The following PCDH15 variants were observed in gnomAD, a reference collection of about 807,000 sequenced individuals.
The protein encoded by PCDH15 is protocadherin related 15.
Under a neutral mutation model 178.5 loss-of-function variants are expected in PCDH15, and 129 were observed. The observed-to-expected ratio is 0.72, with a 90% CI of 0.63 to 0.84. The LOEUF (loss-of-function observed/expected upper bound fraction) is 0.84. PCDH15 is among the 40% of genes least tolerant of loss of function. The pLI, the probability that PCDH15 is intolerant of heterozygous loss-of-function variation, is 0.00. For synonymous variants in PCDH15, 800 were observed against 732.0 expected (o/e 1.09, Z -1.50); for missense variants, 2,230 against 2,099.9 (o/e 1.06, Z -1.21).
At chr10:54,168,349 C>G (rs1433189537) in intron 13 of PCDH15, among the ~76,000 whole-genome samples, 5 of 152,084 alleles carry the variant, frequency 3.3e-5, no homozygotes, top group Non-Finnish European at 5.9e-5. Flanking sequence ...CCGCCTGTCC[C>G]CTCAGTACCA....
chr10:54,723,709 T>C (rs975543602), intron 1 of PCDH15, among the ~76,000 whole-genome samples: 3 of 150,928 alleles, frequency 2.0e-5, no homozygotes, highest in African/African-American at 4.9e-5. Flanking sequence ...AGAAAAAAAA[T>C]AATTCCACTG....
chr10:54,561,826 C>A (rs1163423044), intron 2 of PCDH15, among the ~76,000 whole-genome samples: 1 of 151,290 alleles, frequency 6.6e-6, no homozygotes, highest in African/African-American at 2.4e-5. Context: ...TGAAAACTAT[C>A]AATGGTAATT....
intron 2 of PCDH15, among the ~76,000 whole-genome samples, chr10:54,979,249 T>TAAA (rs1475354303): frequency 1.3e-5 from 2 of 152,132 alleles, no homozygotes; most frequent in Admixed American, 1.3e-4. Flanking sequence ...GAAATAGAAA[T>TAAA]AAAAGTTTAT....
intron 2 of PCDH15, among the ~76,000 whole-genome samples, chr10:54,939,233 G>A (rs1837992472): frequency 6.6e-6 from 1 of 150,770 alleles, no homozygotes; most frequent in South Asian, 2.1e-4. Context: ...GGTGGCTCAC[G>A]CCCGTAATCC....
At chr10:54,134,786 C>T (rs1261849007) in intron 14 of PCDH15, among the ~76,000 whole-genome samples, 1 of 150,882 alleles carries the variant, frequency 6.6e-6, no homozygotes, top group Non-Finnish European at 1.5e-5. Flanking sequence ...AAATTCAGAT[C>T]ATAGGCACTA....
At chr10:54,946,117 C>G (rs1197084720) in intron 2 of PCDH15, among the ~76,000 whole-genome samples, 4 of 151,726 alleles carry the variant, frequency 2.6e-5, no homozygotes, top group Admixed American at 2.0e-4. Flanking sequence ...TAGAATTACA[C>G]TAAGATGAAT....
At chr10:54,170,700 CCTT>C (rs2046805745) in intron 13 of PCDH15, among the ~76,000 whole-genome samples, 1 of 152,016 alleles carries the variant, frequency 6.6e-6, no homozygotes, top group Non-Finnish European at 1.5e-5. Flanking sequence ...CCCCAAATTT[CCTT>C]CTTTCCTGTT....
chr10:54,324,853 A>G (rs2061839154), intron 7 of PCDH15, among the ~76,000 whole-genome samples: 1 of 152,100 alleles, frequency 6.6e-6, no homozygotes, highest in African/African-American at 2.4e-5. Context: ...GTGTTCTTAT[A>G]TATTTCACTC....
At chr10:54,191,190 A>G (rs1006267387) in intron 11 of PCDH15, among the ~76,000 whole-genome samples, 1 of 152,326 alleles carries the variant, frequency 6.6e-6, no homozygotes, top group Admixed American at 6.5e-5. Context: ...AGCATACAAA[A>G]GTTGCTAAGA....
chr10:55,508,570 C>T (rs932466196), intron 2 of PCDH15, among the ~76,000 whole-genome samples: 3 of 151,752 alleles, frequency 2.0e-5, no homozygotes, highest in African/African-American at 7.2e-5. Context: ...ATTAACCATA[C>T]ACATAACTTT....
chr10:55,177,519 T>G (rs1272840182), intron 1 of PCDH15, among the ~76,000 whole-genome samples: 1 of 152,188 alleles, frequency 6.6e-6, no homozygotes, highest in Non-Finnish European at 1.5e-5. Flanking sequence ...ATGGCCGGCC[T>G]GCCTCTGGGC....
chr10:53,971,892 C>A (rs984628818), intron 21 of PCDH15, among the ~76,000 whole-genome samples: 1 of 152,074 alleles, frequency 6.6e-6, no homozygotes, highest in Admixed American at 6.6e-5. Flanking sequence ...CAATGCCATC[C>A]CCATCAAGCT....
intron 1 of PCDH15, among the ~76,000 whole-genome samples, chr10:54,756,097 A>ACACACACTCACACAC (rs1555182911): frequency 6.9e-6 from 1 of 144,506 alleles, no homozygotes. Flanking sequence ...ACACACACAC[A>ACACACACTCACACAC]AAATTAGCTG....
At chr10:55,234,056 TC>T (rs1163728188) in intron 1 of PCDH15, among the ~76,000 whole-genome samples, 1 of 151,788 alleles carries the variant, frequency 6.6e-6, no homozygotes, top group African/African-American at 2.4e-5. Flanking sequence ...GAGGATGGCT[TC>T]ATCAGTAAGT....
At chr10:54,961,095 G>A (rs762691214) in intron 2 of PCDH15, among the ~76,000 whole-genome samples, 25 of 152,308 alleles carry the variant, frequency 1.6e-4, no homozygotes, top group Non-Finnish European at 3.4e-4. Flanking sequence ...GTGACTGCCC[G>A]TCTGGAGCAG....
At chr10:54,355,120 C>CAAAAAAAAAAAAAAA (rs770404490) in intron 5 of PCDH15, among the ~76,000 whole-genome samples, 1 of 69,840 alleles carries the variant, frequency 1.4e-5, no homozygotes, top group Admixed American at 2.1e-4. Context: ...AGGAGGATTG[C>CAAAAAAAAAAAAAAA]AAAAAAAAAA....
chr10:54,016,519 C>T (rs1408545959), intron 20 of PCDH15, among the ~76,000 whole-genome samples: 2 of 152,036 alleles, frequency 1.3e-5, no homozygotes, highest in Admixed American at 6.6e-5. Flanking sequence ...GAAAATGTGG[C>T]ACATATATGC....
intron 1 of PCDH15, among the ~76,000 whole-genome samples, chr10:55,177,219 G>A (rs1839514935): frequency 1.3e-5 from 2 of 152,240 alleles, no homozygotes; most frequent in Non-Finnish European, 2.9e-5. Context: ...GGGCATTAGA[G>A]TATTCTCCAG....
intron 2 of PCDH15, among the ~76,000 whole-genome samples, chr10:54,990,429 TG>T (rs935134901): frequency 6.6e-6 from 1 of 152,214 alleles, no homozygotes; most frequent in African/African-American, 2.4e-5. Context: ...GCTTGACATA[TG>T]GAATACTAAG....
Sources: gnomAD v4.1 joint callset for allele counts (sites outside exome capture counted in the v4.1 genomes callset) on GRCh38, gnomAD v4.1.1 for gene constraint, MANE v1.5 for transcripts, NCBI Gene and HGNC (gene_info 2026-07-23, HGNC 2026-07-21) for gene names.